C8A: variants seen among roughly 807,000 people sequenced by gnomAD.
C8A encodes the protein complement C8 alpha chain.
C8A carries 67 observed loss-of-function variants against 65.3 expected under a neutral mutation model. That is an observed-to-expected ratio of 1.03 (90% CI 0.84 to 1.26). The LOEUF is 1.26. Among genes scored for constraint, C8A ranks in the 50% most tolerant of loss-of-function variants. The pLI, the probability that C8A is intolerant of heterozygous loss-of-function variation, is 0.00. For missense variants in C8A, 781 were observed against 723.9 expected, an observed-to-expected ratio of 1.08 and a Z score of -0.90; for synonymous variants, 290 against 259.4, an observed-to-expected ratio of 1.12 and a Z score of -1.13.
intron 7 of C8A, among the ~76,000 whole-genome samples, chr1:56,890,741 G>A (rs564156472): frequency 1.5e-4 from 23 of 152,066 alleles, no homozygotes; most frequent in Non-Finnish European, 2.8e-4. Context: ...CTTCTTTGCC[G>A]GAACCACCCT....
intron 1 of C8A, among the ~76,000 whole-genome samples, chr1:56,863,347 G>A (rs1303742959): frequency 3.3e-5 from 5 of 152,112 alleles, no homozygotes; most frequent in Non-Finnish European, 7.3e-5. Context: ...AATGGTCCTG[G>A]TGTACTTTCT....
intron 6 of C8A, 53 bp downstream of exon 6, chr1:56,883,734 A>T (rs6694643): frequency 0.15 from 219,225 of 1,434,640 alleles, 19,666 homozygotes; most frequent in East Asian, 0.38. Context: ...TACACTGAAC[A>T]CGTATTACCT....
intron 10 of C8A, among the ~76,000 whole-genome samples, 166 bp from the exon 11 acceptor site, chr1:56,917,399 A>C (rs1279735278): frequency 6.6e-6 from 1 of 152,222 alleles, no homozygotes; most frequent in African/African-American, 2.4e-5. Flanking sequence ...CAAAGACCCT[A>C]TGTACCTTAT....
chr1:56,885,070 C>A (rs78250012), intron 6 of C8A, among the ~76,000 whole-genome samples: 6,109 of 147,658 alleles, frequency 0.041, 411 homozygotes, highest in African/African-American at 0.14. Context: ...GGGAGAAGAA[C>A]AGAAGGGTGA....
At chr1:56,899,988 A>G (rs1421392281) in intron 7 of C8A, among the ~76,000 whole-genome samples, 4 of 152,186 alleles carry the variant, frequency 2.6e-5, no homozygotes, top group African/African-American at 7.2e-5. Context: ...GCCTTCATCT[A>G]CGCTGTCTCT....
chr1:56,855,704 G>C (rs749327487), intron 1 of C8A, among the ~76,000 whole-genome samples: 1 of 149,812 alleles, frequency 6.7e-6, no homozygotes, highest in African/African-American at 2.5e-5. Context: ...TTTCACCTTC[G>C]GGATAGCTTT....
At position 56,885,299 on chromosome 1, in the gene C8A, T is replaced by TATTTAA. The variant is rs1491298549; in HGVS notation, c.856-626_856-625insTTAAAT. On this transcript the variant is annotated intron_variant, in intron 6 of 10. Transcript: ENST00000361249. ...ATATATATTTACATAAATATATATT[T>TATTTAA]ATATATATTTACATAAATATATTTA... Among the ~76,000 whole-genome samples, 25 of 110,004 alleles carry TATTTAA rather than the reference T, an allele frequency of 2.3e-4. No homozygotes were observed. In the East Asian group the frequency reaches 3.6e-3, roughly 16 times the overall value. The allele number at this position is 110,004 out of a possible 152,430, so 72.2% of individuals were successfully genotyped here.
chr1:56,917,543 C>T (rs1321156470), intron 10 of C8A, 22 bp from the exon 11 acceptor site: 1 of 1,613,918 alleles, frequency 6.2e-7, no homozygotes, highest in African/African-American at 1.3e-5. Flanking sequence ...ACCTTCTCCT[C>T]CCTGGGAAAT....
chr1:56,858,786 T>A (rs1483172319), intron 1 of C8A, among the ~76,000 whole-genome samples: 2 of 152,228 alleles, frequency 1.3e-5, no homozygotes, highest in Non-Finnish European at 2.9e-5. Context: ...TCAGGGTAAC[T>A]AATCTTTAGC....
At position 56,881,617 on chromosome 1, in the gene C8A, CTGA is replaced by C; in HGVS notation, c.638_640del (p.Leu213_Lys214delinsGln). The C allele has an allele frequency of 6.2e-7, 1 of 1,613,288 alleles. No individual in the cohort carries two copies. Among genetic ancestry groups the C allele is most frequent in the Non-Finnish European group, 8.5e-7 (1 of 1,179,716 alleles). On this transcript the variant is annotated inframe_deletion, in exon 5 of 11. Coordinates refer to ENST00000361249, the MANE Select transcript of C8A (RefSeq NM_000562.3). Reference sequence around the variant, plus strand: ...ATACTTTCGGAAACCCTACAACTTTCTGAAGTACCACTTTGAAGTAAGTCTGAA... The same window carrying C: ...ATACTTTCGGAAACCCTACAACTTTCAGTACCACTTTGAAGTAAGTCTGAA...
At chr1:56,875,515 G>T (rs1000168887) in intron 3 of C8A, among the ~76,000 whole-genome samples, 3 of 152,156 alleles carry the variant, frequency 2.0e-5, no homozygotes, top group Admixed American at 1.3e-4. Flanking sequence ...GGCCTAGTGG[G>T]TCTTTCTAGC....
intron 7 of C8A, among the ~76,000 whole-genome samples, chr1:56,903,263 C>G (rs1644439930): frequency 1.3e-5 from 2 of 152,230 alleles, no homozygotes; most frequent in South Asian, 4.2e-4. Flanking sequence ...GGTGGTTACT[C>G]TCATGTTGTT....
intron 9 of C8A, 83 bp from the exon 10 acceptor site, chr1:56,912,320 C>T (rs1644514328): frequency 1.5e-6 from 2 of 1,329,362 alleles, no homozygotes; most frequent in South Asian, 1.2e-5. Flanking sequence ...TCAGGCCTTC[C>T]AGAAGCTTGG....
In C8A at chr1:56,886,144, A is replaced by G. The variant is rs145449959; in HGVS notation, c.1073A>G (p.Asp358Gly). ...ATTTATGAATATATCCTGGTGATTG[A>G]CAAAGCAAAAATGGAATCCCTTGGT... The part of the protein sequence containing the change: ...GGIYEYILVI[D>G]KAKMESLGIT... Residue 358 changes from aspartate to glycine, a missense_variant, in exon 7 of 11, where the codon GAC becomes GGC. Physicochemically the swap from Asp to Gly is moderately conservative, Grantham distance 94 (BLOSUM62 -1). Coordinates refer to ENST00000361249, the MANE Select transcript of C8A (RefSeq NM_000562.3). 6.2e-6 allele frequency: 10 copies of G among 1,613,866 alleles called. No individual in the cohort carries two copies. In the Admixed American group the frequency reaches 1.2e-4, roughly 19 times the overall value.
chr1:56,857,759 G>A (rs888427197), intron 1 of C8A, among the ~76,000 whole-genome samples: 12 of 151,588 alleles, frequency 7.9e-5, no homozygotes, highest in African/African-American at 2.7e-4. Flanking sequence ...TAATTCCAAG[G>A]TGGTATGGTT....
At chr1:56,876,645 A>T (rs1047953770) in intron 4 of C8A, among the ~76,000 whole-genome samples, 1 of 151,980 alleles carries the variant, frequency 6.6e-6, no homozygotes, top group Non-Finnish European at 1.5e-5. Context: ...AGTGTAAAGA[A>T]AATGGGCTCA....
At chr1:56,890,048 CAAGGTATACAA>C (rs1024457013) in intron 7 of C8A, among the ~76,000 whole-genome samples, 7 of 152,050 alleles carry the variant, frequency 4.6e-5, no homozygotes, top group African/African-American at 1.7e-4. Flanking sequence ...GTCTTTGTAT[CAAGGTATACAA>C]AAGAGAAATA....
At chr1:56,871,056 A>G (rs955199166) in intron 2 of C8A, among the ~76,000 whole-genome samples, 1 of 152,232 alleles carries the variant, frequency 6.6e-6, no homozygotes, top group African/African-American at 2.4e-5. Context: ...AAAATAGGGA[A>G]TCAATGGGAA....
intron 7 of C8A, among the ~76,000 whole-genome samples, chr1:56,891,631 G>A (rs1029430719): frequency 6.6e-6 from 1 of 152,086 alleles, no homozygotes; most frequent in Non-Finnish European, 1.5e-5. Flanking sequence ...TAGAAATTAA[G>A]GAATTTATAG....
Sources: allele counts gnomAD v4.1 joint callset (sites outside exome capture counted in the v4.1 genomes callset), GRCh38; gene constraint gnomAD v4.1.1; transcripts MANE v1.5; gene names NCBI Gene and HGNC (gene_info 2026-07-23, HGNC 2026-07-21).